The following DCAF17 variants were observed in gnomAD, a reference collection of about 807,000 sequenced individuals.
The protein encoded by DCAF17 is DDB1- and CUL4-associated factor 17.
A neutral mutation model predicts 66.0 loss-of-function variants in DCAF17; 48 were observed. The observed-to-expected ratio is 0.73, with a 90% CI of 0.58 to 0.92. The LOEUF (loss-of-function observed/expected upper bound fraction) is 0.92. Ranked by LOEUF, DCAF17 falls within the 40% of genes least tolerant of loss-of-function variation. The pLI is 0.00. For synonymous variants in DCAF17, 206 were observed against 214.6 expected (o/e 0.96, Z 0.35); for missense variants, 562 against 622.8 (o/e 0.90, Z 1.04).
chr2:171,437,026 G>A (rs1246487302), intron 2 of DCAF17, among the ~76,000 whole-genome samples: 2 of 151,846 alleles, frequency 1.3e-5, no homozygotes, highest in Admixed American at 6.6e-5. Flanking sequence ...CGGCCACCTC[G>A]GCCTCCCAAA....
chr2:171,455,177 C>G (rs892439593), intron 6 of DCAF17, among the ~76,000 whole-genome samples: 1 of 146,032 alleles, frequency 6.8e-6, no homozygotes, highest in East Asian at 2.2e-4. Flanking sequence ...GTGTGTTGTT[C>G]CCCTCTATGT....
At chr2:171,478,119 T>G (rs200152531) in intron 12 of DCAF17, 49 bp downstream of exon 12, 1 of 1,497,328 alleles carries the variant, frequency 6.7e-7, no homozygotes, top group Non-Finnish European at 9.3e-7. Context: ...GTCCTTGCAT[T>G]GTGAATTTCA....
At chr2:171,436,482 A>C (rs1295200717) in intron 2 of DCAF17, among the ~76,000 whole-genome samples, 2 of 152,194 alleles carry the variant, frequency 1.3e-5, no homozygotes, top group African/African-American at 4.8e-5. Context: ...ATTCTTGTCA[A>C]CACTTGATGT....
At position 171,468,971 on chromosome 2, in the gene DCAF17, C is replaced by T; in HGVS notation, c.922C>T (p.Pro308Ser). The T allele has an allele frequency of 6.2e-7, 1 of 1,614,042 alleles. No individual in the cohort carries two copies. Among genetic ancestry groups the T allele is most frequent in the Non-Finnish European group, 8.5e-7 (1 of 1,179,968 alleles). Residue 308 changes from proline (P) to serine (S), a missense_variant, in exon 9 of 14, where the codon CCT (proline) becomes TCT (serine). By Grantham distance (74) the Pro-to-Ser change is moderately conservative. Around this residue, in one of 3 missense-constraint regions of DCAF17, gnomAD observed 13 missense variants for 35.7 expected, o/e 0.36. Coordinates refer to ENST00000375255, the MANE Select transcript of DCAF17 (RefSeq NM_025000.4). ...CCATCCTTGGCACTACATCGTCACACCTAATAAGAAGAAACAGAAAGGAGT... is the reference window on the plus strand; with the variant it reads ...CCATCCTTGGCACTACATCGTCACATCTAATAAGAAGAAACAGAAAGGAGT... ...GGHPWHYIVT[P>S]NKKKQKGVFH...
chr2:171,476,637 C>T, intron 10 of DCAF17, among the ~76,000 whole-genome samples: 1 of 152,200 alleles, frequency 6.6e-6, no homozygotes. Context: ...TTCAGTGGCA[C>T]CTGTTGTCAC....
Position 171,457,968 on chromosome 2 carries a change from C to G in DCAF17, c.628-3C>G, listed in dbSNP as rs1489907683. On this transcript the variant is annotated splice_polypyrimidine_tract_variant and splice_region_variant and intron_variant, in intron 6 of 13. Coordinates refer to ENST00000375255, the MANE Select transcript of DCAF17 (RefSeq NM_025000.4). ...AGGTGATATCTGTCTTTCCCCCCGCCAGATTTTTGGGAACGTTACAGATGC... is the reference window on the plus strand; with the variant it reads ...AGGTGATATCTGTCTTTCCCCCCGCGAGATTTTTGGGAACGTTACAGATGC... The G allele has an allele frequency of 6.2e-7, 1 of 1,613,248 alleles. No individual in the cohort carries two copies. The highest frequency in any genetic ancestry group is 1.7e-5 in the Admixed American group (1 of 60,024).
chr2:171,445,692 T>C (rs931452232), intron 3 of DCAF17, among the ~76,000 whole-genome samples: 6 of 152,310 alleles, frequency 3.9e-5, no homozygotes, highest in African/African-American at 1.4e-4. Context: ...TTTTTTAATA[T>C]ATTTTTTTAA....
Position 171,483,982 on chromosome 2 carries a change from A to G in DCAF17, c.*2868A>G. 2.2e-6 allele frequency: 1 copy of G among 454,014 alleles called. No homozygotes were observed. The highest frequency in any genetic ancestry group is 1.6e-5 in the South Asian group (1 of 64,424). 28.1% of individuals were successfully genotyped at this position (454,014 alleles called of 1,614,324 possible). A position where few individuals can be genotyped will look rare whatever the true frequency, so the allele number is the denominator to read the frequency against. ...AACTATAATACTAGATATGTAGGAA[A>G]GTGCTTAATAATCGTTTTTTACTGA... On this transcript the variant is annotated 3_prime_UTR_variant, in exon 14 of 14. Coordinates refer to ENST00000375255, the MANE Select transcript of DCAF17 (RefSeq NM_025000.4).
chr2:171,436,957 A>G (rs59960186), intron 2 of DCAF17, among the ~76,000 whole-genome samples: 35,670 of 151,728 alleles, frequency 0.24, 4,396 homozygotes, highest in Admixed American at 0.3. Flanking sequence ...TATTTTTGGT[A>G]GAGACCGGGT....
At chr2:171,439,635 A>G (rs1208784612) in intron 2 of DCAF17, among the ~76,000 whole-genome samples, 1 of 151,136 alleles carries the variant, frequency 6.6e-6, no homozygotes, top group African/African-American at 2.4e-5. Context: ...TAGTTTAGAA[A>G]TGAGGTCTTG....
chr2:171,435,671 A>C (rs575908808), intron 2 of DCAF17, among the ~76,000 whole-genome samples: 2 of 152,090 alleles, frequency 1.3e-5, no homozygotes, highest in African/African-American at 4.8e-5. Context: ...GCCACAATGC[A>C]TCCCCATATA....
In DCAF17 at chr2:171,484,760, C is replaced by G; in HGVS notation, c.*3646C>G. 2.2e-6 allele frequency: 1 copy of G among 454,042 alleles called. No individual in the cohort carries two copies. The highest frequency in any genetic ancestry group is 4.4e-6 in the Non-Finnish European group (1 of 226,772). The allele number at this position is 454,042 out of a possible 1,614,324, so 28.1% of individuals were successfully genotyped here. Reference sequence around the variant, plus strand: ...CTCCCAGTCTATCCCCTCCCCACCCCTCAGGTATAACTACTGTTCTCATTC... The same window carrying G: ...CTCCCAGTCTATCCCCTCCCCACCCGTCAGGTATAACTACTGTTCTCATTC... On this transcript the variant is annotated 3_prime_UTR_variant, in exon 14 of 14. Transcript: ENST00000375255.
intron 2 of DCAF17, among the ~76,000 whole-genome samples, chr2:171,439,511 C>CTTTTTTTTTTTTTTTTTTTTTTTCT (rs374646610): frequency 4.2e-5 from 4 of 94,772 alleles, no homozygotes; most frequent in Admixed American, 1.1e-4. Flanking sequence ...CTTTTTTTTC[C>CTTTTTTTTTTTTTTTTTTTTTTTCT]TTTTTTTTTT....
In DCAF17 at chr2:171,482,200, T is replaced by A. The variant is rs1313320610; in HGVS notation, c.*1086T>A. The A allele has an allele frequency of 2.2e-6, 1 of 453,016 alleles. No individual in the cohort carries two copies. Among genetic ancestry groups the A allele is most frequent in the African/African-American group, 2.0e-5 (1 of 50,010 alleles). 28.1% of individuals were successfully genotyped at this position (453,016 alleles called of 1,614,324 possible). ...TCTTTGTGCTTCCTGTTTGAGAAAT[T>A]CAGTTGCTTCCATTTCGCATGTTCT... On this transcript the variant is annotated 3_prime_UTR_variant, in exon 14 of 14. Transcript: ENST00000375255.
At chr2:171,469,424 G>A (rs1165312430) in intron 9 of DCAF17, among the ~76,000 whole-genome samples, 1 of 152,198 alleles carries the variant, frequency 6.6e-6, no homozygotes, top group African/African-American at 2.4e-5. Context: ...TTCCAGAGCA[G>A]AACCAGATGG....
Position 171,448,667 on chromosome 2 carries a change from C to T in DCAF17, c.322-14C>T, listed in dbSNP as rs192861143. On this transcript the variant is annotated splice_polypyrimidine_tract_variant and intron_variant, in intron 3 of 13. Transcript: ENST00000375255. Reference sequence around the variant, plus strand: ...CAAGCAGTTTCATTTTTATATCTCTCTTTTTTTTTTTAGGGAGATATACTT... The same window carrying T: ...CAAGCAGTTTCATTTTTATATCTCTTTTTTTTTTTTTAGGGAGATATACTT... 0.23 allele frequency: 300,512 copies of T among 1,323,918 alleles called. 30,787 individuals are homozygous for T. Among genetic ancestry groups the T allele is most frequent in the Admixed American group, 0.32 (13,620 of 42,410 alleles). 82.0% of individuals were successfully genotyped at this position (1,323,918 alleles called of 1,614,324 possible).
chr2:171,443,830 GA>G (rs1694456848), intron 3 of DCAF17, among the ~76,000 whole-genome samples: 1 of 151,392 alleles, frequency 6.6e-6, no homozygotes, highest in African/African-American at 2.4e-5. Flanking sequence ...AAATTAGATA[GA>G]TTTTTTTTAG....
intron 9 of DCAF17, among the ~76,000 whole-genome samples, chr2:171,472,224 G>A (rs140638817): frequency 1.6e-4 from 24 of 152,186 alleles, no homozygotes; most frequent in African/African-American, 5.1e-4. Flanking sequence ...CTGTTGCCCA[G>A]GCTGGAGTGC....
chr2:171,470,379 C>G (rs1696174133), intron 9 of DCAF17, among the ~76,000 whole-genome samples: 1 of 152,106 alleles, frequency 6.6e-6, no homozygotes, highest in Admixed American at 6.5e-5. Context: ...TCACAGATCA[C>G]CTTTCACCAC....
Sources: gnomAD v4.1 joint callset for allele counts (sites outside exome capture counted in the v4.1 genomes callset) on GRCh38, gnomAD v4.1.1 for gene constraint, gnomAD v4.1.1 regional missense constraint, MANE v1.5 for transcripts, NCBI Gene and HGNC (gene_info 2026-07-23, HGNC 2026-07-21) for gene names.